The following DCC variants were observed in gnomAD, a reference collection of about 807,000 sequenced individuals.
DCC encodes netrin receptor DCC.
DCC carries 58 observed loss-of-function variants against 172.5 expected under a neutral mutation model. That is an observed-to-expected ratio of 0.34 (90% CI 0.27 to 0.42). The LOEUF (loss-of-function observed/expected upper bound fraction) is 0.42. Among genes scored for constraint, DCC ranks in the 10% least tolerant of loss-of-function variants. DCC has a pLI of 1.00. For missense variants in DCC, 1,740 were observed against 1,791.0 expected (o/e 0.97, Z 0.51); for synonymous variants, 709 against 644.5 (o/e 1.10, Z -1.52).
At chr18:52,965,701 T>A (rs11082959) in intron 5 of DCC, among the ~76,000 whole-genome samples, 1 of 152,058 alleles carries the variant, frequency 6.6e-6, no homozygotes, top group African/African-American at 2.4e-5. Flanking sequence ...GGAAATAAAC[T>A]ATCCCACACA....
At chr18:53,002,961 G>A (rs988876208) in intron 5 of DCC, among the ~76,000 whole-genome samples, 9 of 152,174 alleles carry the variant, frequency 5.9e-5, no homozygotes, top group Admixed American at 2.0e-4. Flanking sequence ...CATATTAGGA[G>A]GCTGCCTGTC....
chr18:53,063,182 G>T, intron 5 of DCC, 123 bp from the exon 6 acceptor site: 1 of 946,578 alleles, frequency 1.1e-6, no homozygotes. Flanking sequence ...AGAGCTTAGG[G>T]AATGATTTGA....
intron 15 of DCC, among the ~76,000 whole-genome samples, chr18:53,351,183 A>G (rs538526793): frequency 2.4e-4 from 35 of 148,596 alleles, no homozygotes; most frequent in African/African-American, 7.4e-4. Flanking sequence ...GAATTGTCTT[A>G]TACCTGGTGA....
intron 5 of DCC, among the ~76,000 whole-genome samples, chr18:52,984,972 A>G (rs2041268973): frequency 6.6e-6 from 1 of 152,126 alleles, no homozygotes; most frequent in Non-Finnish European, 1.5e-5. Flanking sequence ...CCTTTACCTT[A>G]TCACTAAGAT....
intron 5 of DCC, among the ~76,000 whole-genome samples, chr18:53,002,638 C>T (rs1184080262): frequency 1.4e-5 from 2 of 145,214 alleles, no homozygotes; most frequent in African/African-American, 2.5e-5. Context: ...TGATAATAAG[C>T]ACATGCCAGA....
At chr18:52,891,198 C>T (rs1239996906) in intron 2 of DCC, among the ~76,000 whole-genome samples, 7 of 152,018 alleles carry the variant, frequency 4.6e-5, no homozygotes, top group Non-Finnish European at 1.0e-4. Context: ...AGTCCCTAGG[C>T]TTGTTTTTAA....
At chr18:53,437,158 G>T (rs562491115) in intron 22 of DCC, among the ~76,000 whole-genome samples, 1 of 152,236 alleles carries the variant, frequency 6.6e-6, no homozygotes, top group South Asian at 2.1e-4. Context: ...ACTTCCTATT[G>T]TCTCTTAGAC....
intron 1 of DCC, among the ~76,000 whole-genome samples, chr18:52,367,295 C>T (rs369050494): frequency 1.1e-4 from 17 of 152,366 alleles, no homozygotes; most frequent in African/African-American, 4.1e-4. Context: ...CCCTCCACAC[C>T]TCCCTGCAAG....
At chr18:53,363,042 C>G (rs1216499853) in intron 15 of DCC, among the ~76,000 whole-genome samples, 1 of 152,110 alleles carries the variant, frequency 6.6e-6, no homozygotes, top group African/African-American at 2.4e-5. Context: ...AATGCATTAA[C>G]ACCAATTACT....
intron 9 of DCC, among the ~76,000 whole-genome samples, chr18:53,198,529 G>A (rs62099231): frequency 0.46 from 70,425 of 151,650 alleles, 17,267 homozygotes; most frequent in Non-Finnish European, 0.52. Context: ...ATCATGCTTT[G>A]TTAAAGATTC....
rs189147014 is a variant in DCC at position 53,453,824 on chromosome 18, T to A, written c.3392+3162T>A. On this transcript the variant is annotated intron_variant, in intron 23 of 28. Coordinates refer to ENST00000442544, the MANE Select transcript of DCC (RefSeq NM_005215.4). ...AATGCTTTCTATCATTCTCTTTAGC[T>A]TTTTTTGTTGGTTTTTTTGTCCAGA... Among the ~76,000 whole-genome samples, 481 of 152,222 alleles carry A rather than the reference T, an allele frequency of 3.2e-3. 1 individual carries two copies. Among genetic ancestry groups the A allele is most frequent in the Non-Finnish European group, 5.6e-3 (384 of 67,988 alleles).
rs529482273 is a variant in DCC at position 52,535,133 on chromosome 18, G to T, written c.91+194255G>T. 5.3e-5 allele frequency among the ~76,000 whole-genome samples: 8 copies of T among 152,292 alleles called. No individual in the cohort carries two copies. In the South Asian group the frequency reaches 1.7e-3, roughly 32 times the overall value. On this transcript the variant is annotated intron_variant, in intron 1 of 28. Coordinates refer to ENST00000442544, the MANE Select transcript of DCC (RefSeq NM_005215.4). ...TTATAGCCAGCTCCATCATGGAAGA[G>T]AACAGATGATTACAATCAATAATCA...
chr18:52,526,351 G>A (rs906137616), intron 1 of DCC, among the ~76,000 whole-genome samples: 19 of 152,126 alleles, frequency 1.2e-4, no homozygotes, highest in African/African-American at 4.3e-4. Context: ...GCTGTTCAGT[G>A]TTCCCAACAA....
chr18:53,348,245 GC>G (rs2057747499), intron 15 of DCC, among the ~76,000 whole-genome samples: 1 of 152,126 alleles, frequency 6.6e-6, no homozygotes, highest in African/African-American at 2.4e-5. Context: ...GGAGAAATTG[GC>G]CAAAACAAAG....
chr18:52,589,459 TC>T (rs1908323742), intron 1 of DCC, among the ~76,000 whole-genome samples: 2 of 152,206 alleles, frequency 1.3e-5, no homozygotes, highest in African/African-American at 4.8e-5. Flanking sequence ...TTGGATATTA[TC>T]AGGGTAGATA....
At chr18:52,763,147 T>G (rs2037190130) in intron 2 of DCC, among the ~76,000 whole-genome samples, 1 of 123,870 alleles carries the variant, frequency 8.1e-6, no homozygotes, top group African/African-American at 2.6e-5. Context: ...TCAGTTTCAT[T>G]GTAACCCTGA....
chr18:53,410,794 A>G (rs1470180446), intron 20 of DCC, 148 bp downstream of exon 20: 30 of 670,474 alleles, frequency 4.5e-5, no homozygotes, highest in Non-Finnish European at 6.8e-5. Context: ...GTAGCTTTTT[A>G]TGCTCAAAGC....
At chr18:52,403,749 A>G (rs1009530857) in intron 1 of DCC, among the ~76,000 whole-genome samples, 1 of 151,996 alleles carries the variant, frequency 6.6e-6, no homozygotes, top group Non-Finnish European at 1.5e-5. Flanking sequence ...CCTTCCCTAA[A>G]TAATGCATTT....
intron 1 of DCC, among the ~76,000 whole-genome samples, chr18:52,383,595 T>C (rs994929937): frequency 6.6e-6 from 1 of 152,078 alleles, no homozygotes; most frequent in Non-Finnish European, 1.5e-5. Flanking sequence ...GGCTAGTCTC[T>C]TCTTTTTATT....
Sources: gnomAD v4.1 joint callset for allele counts (sites outside exome capture counted in the v4.1 genomes callset) on GRCh38, gnomAD v4.1.1 for gene constraint, MANE v1.5 for transcripts, NCBI Gene and HGNC (gene_info 2026-07-23, HGNC 2026-07-21) for gene names.